Variants in CPNE4 observed in about 807,000 individuals in gnomAD.
CPNE4 encodes copine-4.
Under a neutral mutation model 67.9 loss-of-function variants are expected in CPNE4, and 25 were observed. The ratio of observed to expected loss-of-function variants is 0.37; its 90% CI spans 0.27 to 0.51. The LOEUF (loss-of-function observed/expected upper bound fraction) is 0.51, where lower values mean the gene tolerates loss of function less well. Ranked by LOEUF, CPNE4 falls within the 20% of genes least tolerant of loss-of-function variation. The pLI is 0.93. For missense variants in CPNE4, 464 were observed against 690.8 expected, an observed-to-expected ratio of 0.67 and a Z score of 3.68; for synonymous variants, 242 against 244.9, an observed-to-expected ratio of 0.99 and a Z score of 0.11.
intron 10 of CPNE4, among the ~76,000 whole-genome samples, chr3:131,565,737 G>T (rs769802418): frequency 6.6e-6 from 1 of 150,532 alleles, no homozygotes; most frequent in Non-Finnish European, 1.5e-5. Context: ...ATAAACTTAG[G>T]ATTCAAACTC....
chr3:131,924,695 T>C (rs766652866), intron 1 of CPNE4, among the ~76,000 whole-genome samples: 2 of 152,188 alleles, frequency 1.3e-5, no homozygotes, highest in African/African-American at 2.4e-5. Flanking sequence ...GTAATAGTAT[T>C]TTCAGTCCCT....
intron 8 of CPNE4, among the ~76,000 whole-genome samples, chr3:131,585,429 T>C (rs556846658): frequency 6.6e-6 from 1 of 152,238 alleles, no homozygotes; most frequent in African/African-American, 2.4e-5. Context: ...ACCAAAACAG[T>C]GGCTGGGTAG....
intron 3 of CPNE4, among the ~76,000 whole-genome samples, chr3:131,720,438 C>T (rs908969391): frequency 9.2e-5 from 14 of 152,050 alleles, no homozygotes; most frequent in African/African-American, 3.1e-4. Context: ...GCATGCACCA[C>T]CACGCCCAGC....
chr3:131,949,035 T>C (rs1003743288), intron 1 of CPNE4, among the ~76,000 whole-genome samples: 5 of 152,186 alleles, frequency 3.3e-5, no homozygotes, highest in Admixed American at 2.6e-4. Context: ...CAAAACTTCT[T>C]TAAATTTTTT....
At chr3:131,696,455 G>A (rs1253651340) in intron 5 of CPNE4, 87 bp downstream of exon 5, 1 of 1,275,566 alleles carries the variant, frequency 7.8e-7, no homozygotes, top group African/African-American at 1.5e-5. Context: ...TGGGTGGAAA[G>A]GGAAAAATAG....
intron 3 of CPNE4, among the ~76,000 whole-genome samples, chr3:131,712,404 T>G (rs980306535): frequency 2.0e-5 from 3 of 152,214 alleles, no homozygotes; most frequent in Admixed American, 6.5e-5. Flanking sequence ...GGACCATATT[T>G]TTAATCCCCT....
At chr3:131,666,304 A>G (rs1321780819) in intron 7 of CPNE4, among the ~76,000 whole-genome samples, 1 of 152,208 alleles carries the variant, frequency 6.6e-6, no homozygotes, top group Non-Finnish European at 1.5e-5. Flanking sequence ...AATTGAAAAC[A>G]AAATGAAACA....
chr3:132,030,083 ACTC>A (rs1165218800), intron 1 of CPNE4, among the ~76,000 whole-genome samples: 1 of 151,538 alleles, frequency 6.6e-6, no homozygotes, highest in African/African-American at 2.4e-5. Flanking sequence ...TCCCAAGCCT[ACTC>A]CTCCTAACAC....
chr3:131,678,762 A>C (rs1270810249), intron 6 of CPNE4, among the ~76,000 whole-genome samples: 1 of 152,224 alleles, frequency 6.6e-6, no homozygotes, highest in Non-Finnish European at 1.5e-5. Flanking sequence ...ACATTGAACC[A>C]ACCTTGCATC....
Position 131,876,653 on chromosome 3 carries a change from A to AAAAG in CPNE4, c.180+28607_180+28610dup, listed in dbSNP as rs1553794944. Among the ~76,000 whole-genome samples, 473 of 140,648 alleles carry AAAAG rather than the reference A, an allele frequency of 3.4e-3. 22 individuals are homozygous for AAAAG. The highest frequency in any genetic ancestry group is 4.5e-3 in the Non-Finnish European group (295 of 65,244). 92.3% of individuals were successfully genotyped at this position (140,648 alleles called of 152,430 possible). Reference sequence around the variant, plus strand: ...CAAGACTCCGTCTCAAAAAAAAAAAAAAAGAAAGAAAGAAAGAGACATTCT... The same window carrying AAAAG: ...CAAGACTCCGTCTCAAAAAAAAAAAAAAAGAAAGAAAGAAAGAAAGAGACATTCT... On this transcript the variant is annotated intron_variant, in intron 2 of 15. Coordinates refer to ENST00000429747, the MANE Select transcript of CPNE4 (RefSeq NM_130808.3).
At chr3:131,710,386 AC>A (rs1329755269) in intron 3 of CPNE4, among the ~76,000 whole-genome samples, 1 of 151,988 alleles carries the variant, frequency 6.6e-6, no homozygotes, top group Non-Finnish European at 1.5e-5. Context: ...GGAAAAAGAC[AC>A]TTTTTAGATA....
rs371982668 is a variant in CPNE4, at chr3:132,008,971, A to G, written c.-2+25596T>C. Among the ~76,000 whole-genome samples the G allele has an allele frequency of 6.0e-4, 92 of 152,244 alleles. 5 individuals carry two copies. In the East Asian group the frequency reaches 0.014, roughly 23 times the overall value. ...AGCCTTAAAACCTGCTCTGTGACCAATGCTCCGGGCTGTTTATTTTGGCCT... is the reference window on the plus strand; with the variant it reads ...AGCCTTAAAACCTGCTCTGTGACCAGTGCTCCGGGCTGTTTATTTTGGCCT... On this transcript the variant is annotated intron_variant, in intron 1 of 15. Coordinates refer to ENST00000429747, the MANE Select transcript of CPNE4 (RefSeq NM_130808.3).
rs138657919 is a variant in CPNE4, at chr3:131,608,197, C to T, written c.682-20615G>A. 1.1e-3 allele frequency among the ~76,000 whole-genome samples: 161 copies of T among 152,030 alleles called. 1 individual carries two copies. Among genetic ancestry groups the T allele is most frequent in the African/African-American group, 3.7e-3 (155 of 41,464 alleles). ...TATGTATAAAATAATGGCAAGACAC[C>T]GGTAATATGGAAATGAAAATGAAAA... On this transcript the variant is annotated intron_variant, in intron 7 of 15. Transcript: ENST00000429747.
At chr3:131,851,952 C>T (rs2086257864) in intron 2 of CPNE4, among the ~76,000 whole-genome samples, 2 of 152,004 alleles carry the variant, frequency 1.3e-5, no homozygotes, top group East Asian at 3.9e-4. Flanking sequence ...TGAATGACCC[C>T]TCCATTCATG....
chr3:131,903,419 AAACAG>A (rs2088624413), intron 2 of CPNE4, among the ~76,000 whole-genome samples: 1 of 152,140 alleles, frequency 6.6e-6, no homozygotes, highest in Admixed American at 6.6e-5. Context: ...AGGAAAAAAA[AAACAG>A]ACAAACTTAA....
rs150055940 is a variant in CPNE4, at chr3:131,901,614, C to T, written c.180+3650G>A. On this transcript the variant is annotated intron_variant, in intron 2 of 15. Transcript: ENST00000429747. ...ATTCCAGCACTTTGGGAGGCTGAGGCAGGTTGGAGGACCCATCTGGTAGGA... is the reference window on the plus strand; with the variant it reads ...ATTCCAGCACTTTGGGAGGCTGAGGTAGGTTGGAGGACCCATCTGGTAGGA... 7.0e-3 allele frequency among the ~76,000 whole-genome samples: 1,063 copies of T among 152,110 alleles called. 52 individuals are homozygous for T. The highest frequency in any genetic ancestry group is 0.064 in the Admixed American group (981 of 15,264).
chr3:131,944,799 A>G (rs1373490539), intron 1 of CPNE4, among the ~76,000 whole-genome samples: 1 of 152,082 alleles, frequency 6.6e-6, no homozygotes, highest in African/African-American at 2.4e-5. Flanking sequence ...AAAAGCTTCA[A>G]ATGCCAATAT....
chr3:131,620,513 A>G, intron 7 of CPNE4: 1 of 973,498 alleles, frequency 1.0e-6, no homozygotes, highest in Non-Finnish European at 1.2e-6. Flanking sequence ...AGGCAGAATA[A>G]TGGTTCCTCA....
chr3:131,772,691 C>T (rs1161152926), intron 2 of CPNE4, among the ~76,000 whole-genome samples: 2 of 152,122 alleles, frequency 1.3e-5, no homozygotes, highest in Non-Finnish European at 2.9e-5. Flanking sequence ...AGATGTTTAT[C>T]TACCCCAGAT....
Sources: allele counts gnomAD v4.1 joint callset (sites outside exome capture counted in the v4.1 genomes callset), GRCh38; gene constraint gnomAD v4.1.1; transcripts MANE v1.5; gene names NCBI Gene and HGNC (gene_info 2026-07-23, HGNC 2026-07-21).